The following PTN variants were observed in gnomAD, a reference collection of about 807,000 sequenced individuals.
PTN encodes the protein heparin affin regulatory protein.
In PTN, 18 loss-of-function variants were observed where a neutral mutation model predicts 24.1. The ratio of observed to expected loss-of-function variants is 0.75; its 90% CI spans 0.52 to 1.11. PTN has a LOEUF of 1.11. Ranked by LOEUF, PTN falls within the 50% of genes least tolerant of loss-of-function variation. The pLI, the probability that PTN is intolerant of heterozygous loss-of-function variation, is 0.00. For synonymous variants in PTN, 78 were observed against 68.6 expected (o/e 1.14, Z -0.67); for missense variants, 163 against 198.8 (o/e 0.82, Z 1.08).
intron 4 of PTN, among the ~76,000 whole-genome samples, chr7:137,238,024 T>C (rs1808554289): frequency 6.6e-6 from 1 of 152,230 alleles, no homozygotes; most frequent in Non-Finnish European, 1.5e-5. Flanking sequence ...TACTTCCTTC[T>C]TGCTCTTTGG....
intron 1 of PTN, among the ~76,000 whole-genome samples, chr7:137,331,225 G>T (rs760711700): frequency 2.6e-5 from 4 of 152,088 alleles, no homozygotes; most frequent in Admixed American, 6.5e-5. Context: ...GAGAGAAATT[G>T]GTAGAAATCC....
intron 1 of PTN, among the ~76,000 whole-genome samples, chr7:137,278,082 T>C (rs997790686): frequency 6.0e-4 from 90 of 151,090 alleles, no homozygotes; most frequent in Admixed American, 3.5e-3. Context: ...CCGAGGCGGG[T>C]GGATCACGAG....
intron 1 of PTN, among the ~76,000 whole-genome samples, chr7:137,277,522 T>G (rs1809380319): frequency 6.6e-6 from 1 of 152,182 alleles, no homozygotes; most frequent in Non-Finnish European, 1.5e-5. Context: ...TATCAACAGG[T>G]ACATTGATGA....
chr7:137,279,622 A>G (rs1809432573), intron 1 of PTN, among the ~76,000 whole-genome samples: 1 of 152,242 alleles, frequency 6.6e-6, no homozygotes. Context: ...ATCCATGAGA[A>G]AAATTGGAAA....
chr7:137,321,131 T>C (rs557313124), intron 1 of PTN, among the ~76,000 whole-genome samples: 1 of 152,310 alleles, frequency 6.6e-6, no homozygotes, highest in East Asian at 1.9e-4. Flanking sequence ...CTTGTTTTCA[T>C]GCTGCAGGTG....
At chr7:137,269,327 G>A (rs1314807761) in intron 1 of PTN, among the ~76,000 whole-genome samples, 2 of 152,136 alleles carry the variant, frequency 1.3e-5, no homozygotes, top group African/African-American at 4.8e-5. Context: ...CTTACAGTGA[G>A]TTCCTGCCCC....
At chr7:137,269,424 C>A (rs550365953) in intron 1 of PTN, among the ~76,000 whole-genome samples, 1 of 152,174 alleles carries the variant, frequency 6.6e-6, no homozygotes, top group Non-Finnish European at 1.5e-5. Context: ...TTTGGGTTCT[C>A]CCCCTGTCAG....
chr7:137,296,079 CACTT>C (rs1258469827), intron 1 of PTN, among the ~76,000 whole-genome samples: 1 of 152,038 alleles, frequency 6.6e-6, no homozygotes, highest in East Asian at 1.9e-4. Flanking sequence ...AGTTCTTTCT[CACTT>C]ACTTAATGAA....
intron 1 of PTN, among the ~76,000 whole-genome samples, chr7:137,336,370 C>T (rs554608331): frequency 1.3e-5 from 2 of 152,212 alleles, no homozygotes; most frequent in South Asian, 2.1e-4. Context: ...GGACTGAAGC[C>T]TCTATCAGCA....
At position 137,254,857 on chromosome 7, in the gene PTN, A is replaced by G; in HGVS notation, c.115+2T>C. The G allele has an allele frequency of 6.5e-7, 1 of 1,543,272 alleles. No individual in the cohort carries two copies. Among genetic ancestry groups the G allele is most frequent in the South Asian group, 1.2e-5 (1 of 83,016 alleles). ...TCTTGCCTTCAGAACCCTACTGCTT[A>G]CCTGGTTTCTCTTTCTTCCCTGCTT... is the stretch of plus-strand genomic sequence containing the variant. On this transcript the variant is annotated splice_donor_variant, in intron 2 of 4. Coordinates refer to ENST00000348225, the MANE Select transcript of PTN (RefSeq NM_002825.7). LOFTEE classifies it high-confidence loss of function.
chr7:137,335,168 A>G (rs1810425972), intron 1 of PTN, among the ~76,000 whole-genome samples: 1 of 151,840 alleles, frequency 6.6e-6, no homozygotes, highest in African/African-American at 2.4e-5. Context: ...CATTGTGCAC[A>G]TGTACCCTAA....
At chr7:137,260,744 C>T (rs1303256747) in intron 1 of PTN, among the ~76,000 whole-genome samples, 2 of 152,130 alleles carry the variant, frequency 1.3e-5, no homozygotes, top group African/African-American at 4.8e-5. Context: ...GACTCAGGTG[C>T]TATCCCTTTG....
intron 4 of PTN, among the ~76,000 whole-genome samples, chr7:137,250,262 T>C (rs574943741): frequency 5.4e-4 from 83 of 152,332 alleles, no homozygotes; most frequent in African/African-American, 1.9e-3. Context: ...CTTGCAGTTC[T>C]GGAAGCTACA....
intron 1 of PTN, among the ~76,000 whole-genome samples, chr7:137,315,351 GAA>G (rs143291701): frequency 8.5e-5 from 12 of 140,396 alleles, no homozygotes; most frequent in South Asian, 2.2e-4. Context: ...ACACTTACAC[GAA>G]AAAAAAAAAA....
At position 137,230,215 on chromosome 7, in the gene PTN, G is replaced by A. The variant is rs149848881; in HGVS notation, c.452-2140C>T. On this transcript the variant is annotated intron_variant, in intron 4 of 4. Transcript: ENST00000348225. Reference sequence around the variant, plus strand: ...CTATTTGATCTGTTAATGTAAGGTTGTCCATTTCAAAGAACACTTTGGGAA... The same window carrying A: ...CTATTTGATCTGTTAATGTAAGGTTATCCATTTCAAAGAACACTTTGGGAA... Among the ~76,000 whole-genome samples, 686 of 151,908 alleles carry A rather than the reference G, an allele frequency of 4.5e-3. 5 individuals carry two copies. The highest frequency in any genetic ancestry group is 0.015 in the African/African-American group (641 of 41,484).
At chr7:137,341,850 G>T (rs1258152271) in intron 1 of PTN, among the ~76,000 whole-genome samples, 1 of 151,846 alleles carries the variant, frequency 6.6e-6, no homozygotes, top group Admixed American at 6.6e-5. Flanking sequence ...TGGCATTAGA[G>T]TTTTTTTTAA....
Position 137,260,988 on chromosome 7 carries a change from T to C in PTN, c.-1-6014A>G, listed in dbSNP as rs112715645. On this transcript the variant is annotated intron_variant, in intron 1 of 4. Transcript: ENST00000348225. Reference sequence around the variant, plus strand: ...GCTGTTTAAAGTTCATAAAGATATATAGGATAAATGCTTGATTCTTTCCTT... The same window carrying C: ...GCTGTTTAAAGTTCATAAAGATATACAGGATAAATGCTTGATTCTTTCCTT... Among the ~76,000 whole-genome samples the C allele has an allele frequency of 2.7e-3, 416 of 152,298 alleles. 1 individual carries two copies. Among genetic ancestry groups the C allele is most frequent in the African/African-American group, 9.8e-3 (406 of 41,584 alleles).
At chr7:137,263,443 A>G (rs887965724) in intron 1 of PTN, among the ~76,000 whole-genome samples, 1 of 152,180 alleles carries the variant, frequency 6.6e-6, no homozygotes, top group Non-Finnish European at 1.5e-5. Context: ...TCGAGAGCCA[A>G]TCTATTTTGA....
intron 4 of PTN, among the ~76,000 whole-genome samples, chr7:137,244,459 C>T (rs1808688819): frequency 6.7e-6 from 1 of 149,328 alleles, no homozygotes; most frequent in Non-Finnish European, 1.5e-5. Flanking sequence ...TATACGTGTG[C>T]CATGTTGGTG....
Sources: gnomAD v4.1 joint callset for allele counts (sites outside exome capture counted in the v4.1 genomes callset) on GRCh38, gnomAD v4.1.1 for gene constraint, MANE v1.5 for transcripts, NCBI Gene and HGNC (gene_info 2026-07-23, HGNC 2026-07-21) for gene names.